The following HSPA4L variants were observed in gnomAD, a reference collection of about 807,000 sequenced individuals.
HSPA4L encodes heat shock protein family A (Hsp70) member 4 like, also known as heat shock 70 kDa protein 4L.
Under a neutral mutation model 100.3 loss-of-function variants are expected in HSPA4L, and 48 were observed. That is an observed-to-expected ratio of 0.48 (90% CI 0.38 to 0.61). HSPA4L has a LOEUF of 0.61. Among genes scored for constraint, HSPA4L ranks in the 20% least tolerant of loss-of-function variants. The pLI is 0.00. For missense variants in HSPA4L, 886 were observed against 988.6 expected (o/e 0.90, Z 1.39); for synonymous variants, 319 against 328.2 (o/e 0.97, Z 0.30).
At chr4:127,820,341 A>G in intron 13 of HSPA4L, 87 bp from the exon 14 acceptor site, 1 of 1,112,918 alleles carries the variant, frequency 9.0e-7, no homozygotes, top group Non-Finnish European at 1.3e-6. Flanking sequence ...ACAGATCATA[A>G]TCGTTTTGAT....
chr4:127,816,419 C>A (rs192750677), intron 12 of HSPA4L, among the ~76,000 whole-genome samples: 1 of 152,018 alleles, frequency 6.6e-6, no homozygotes, highest in African/African-American at 2.4e-5. Flanking sequence ...ATGATAACAT[C>A]TTATATTTGC....
intron 16 of HSPA4L, among the ~76,000 whole-genome samples, chr4:127,827,041 A>G (rs1733966168): frequency 6.6e-6 from 1 of 152,130 alleles, no homozygotes; most frequent in South Asian, 2.1e-4. Flanking sequence ...GCTTTTAAGG[A>G]ATTAAAGTTT....
intron 1 of HSPA4L, among the ~76,000 whole-genome samples, chr4:127,791,461 T>G (rs1462884083): frequency 1.3e-5 from 2 of 152,214 alleles, no homozygotes; most frequent in East Asian, 3.8e-4. Flanking sequence ...GTCTAAAGTT[T>G]ATTTTGCACT....
chr4:127,789,398 G>A (rs532045956), intron 1 of HSPA4L, among the ~76,000 whole-genome samples: 1 of 152,194 alleles, frequency 6.6e-6, no homozygotes, highest in African/African-American at 2.4e-5. Context: ...TGTAATCCCA[G>A]CACTTTGGGA....
intron 12 of HSPA4L, among the ~76,000 whole-genome samples, chr4:127,816,267 G>C (rs1733667818): frequency 6.6e-6 from 1 of 152,066 alleles, no homozygotes; most frequent in Non-Finnish European, 1.5e-5. Flanking sequence ...GAGTCTAGAG[G>C]CACTTCCATT....
chr4:127,798,829 A>G (rs528958168), intron 4 of HSPA4L, 120 bp downstream of exon 4: 4 of 897,494 alleles, frequency 4.5e-6, no homozygotes, highest in South Asian at 2.5e-5. Context: ...ACCTAAATCC[A>G]TCTGACTTTC....
At chr4:127,797,485 A>G (rs1267107760) in intron 3 of HSPA4L, among the ~76,000 whole-genome samples, 1 of 152,176 alleles carries the variant, frequency 6.6e-6, no homozygotes, top group Non-Finnish European at 1.5e-5. Flanking sequence ...TAGTAGAAAA[A>G]GCTTTGAAAC....
chr4:127,817,129 G>A (rs149059346), intron 12 of HSPA4L, among the ~76,000 whole-genome samples: 5,140 of 152,088 alleles, frequency 0.034, 119 homozygotes, highest in Middle Eastern at 0.078. Context: ...GCAGTGGCAC[G>A]ATCTCAGCTC....
chr4:127,793,362 C>T (rs1178656329), intron 1 of HSPA4L, among the ~76,000 whole-genome samples: 1 of 151,984 alleles, frequency 6.6e-6, no homozygotes, highest in Non-Finnish European at 1.5e-5. Context: ...TTCTCCCAGA[C>T]AGGTATTGTG....
At chr4:127,796,697 G>A (rs1397014951) in intron 3 of HSPA4L, among the ~76,000 whole-genome samples, 1 of 152,116 alleles carries the variant, frequency 6.6e-6, no homozygotes, top group Non-Finnish European at 1.5e-5. Flanking sequence ...AACATGCCAA[G>A]TGAAAGAAGC....
intron 12 of HSPA4L, chr4:127,812,961 AACTT>A: frequency 1.2e-6 from 1 of 816,922 alleles, no homozygotes; most frequent in Non-Finnish European, 2.1e-6. Flanking sequence ...TCTTGCCCTT[AACTT>A]GTTTGTTTAC....
chr4:127,838,565 A>G lies in HSPA4L; in HGVS notation c.*5691A>G, dbSNP rs1232557568. On this transcript the variant is annotated 3_prime_UTR_variant, in exon 19 of 19. Transcript: ENST00000296464. ...AATTTACGGTCATGCCCTAAGTCAC[A>G]GGATGATTATTAGGGAAATGTCATT... The G allele has an allele frequency of 1.3e-5, 2 of 152,220 alleles. No individual in the cohort carries two copies. Among genetic ancestry groups the G allele is most frequent in the Non-Finnish European group, 2.9e-5 (2 of 68,036 alleles). 9.4% of individuals were successfully genotyped at this position (152,220 alleles called of 1,614,324 possible). A position where few individuals can be genotyped will look rare whatever the true frequency, so the allele number is the denominator to read the frequency against.
At chr4:127,811,687 A>T (rs1257954899) in intron 12 of HSPA4L, 51 bp downstream of exon 12, 1 of 1,333,938 alleles carries the variant, frequency 7.5e-7, no homozygotes, top group Non-Finnish European at 1.0e-6. Context: ...TGTATACAGT[A>T]TATCTTAATC....
At chr4:127,789,025 A>G (rs1167476569) in intron 1 of HSPA4L, among the ~76,000 whole-genome samples, 1 of 152,244 alleles carries the variant, frequency 6.6e-6, no homozygotes, top group Non-Finnish European at 1.5e-5. Flanking sequence ...TTAATGGAGA[A>G]TAATAGGGAG....
rs201576051 is a variant in HSPA4L at position 127,782,560 on chromosome 4, G to T, written c.10G>T (p.Val4Phe). Residue 4 changes from valine to phenylalanine, a missense_variant, in exon 1 of 19, where the codon GTT becomes TTT. Val to Phe is a conservative substitution (Grantham distance 50). Coordinates refer to ENST00000296464, the MANE Select transcript of HSPA4L (RefSeq NM_014278.4). ...ACCATCACGCGGCGGGATGTCTGTG[G>T]TTGGCATTGACCTCGGCTTTCTCAA... MSV[V>F]GIDLGFLNCY... 6.2e-7 allele frequency: 1 copy of T among 1,614,126 alleles called. No individual in the cohort carries two copies. Among genetic ancestry groups the T allele is most frequent in the Non-Finnish European group, 8.5e-7 (1 of 1,179,996 alleles).
intron 16 of HSPA4L, among the ~76,000 whole-genome samples, chr4:127,825,882 C>T (rs978847513): frequency 3.4e-5 from 5 of 147,428 alleles, no homozygotes; most frequent in Admixed American, 6.9e-5. Flanking sequence ...GTTGAGATTG[C>T]GTCATTGCAC....
At chr4:127,795,949 T>C (rs1392740063) in intron 3 of HSPA4L, 41 bp downstream of exon 3, 1 of 1,596,654 alleles carries the variant, frequency 6.3e-7, no homozygotes, top group Admixed American at 1.7e-5. Context: ...TATCTTCAAA[T>C]TAAGTAAACC....
At chr4:127,799,299 C>T (rs1733109149) in intron 4 of HSPA4L, among the ~76,000 whole-genome samples, 1 of 151,770 alleles carries the variant, frequency 6.6e-6, no homozygotes, top group Non-Finnish European at 1.5e-5. Flanking sequence ...TTTTCATAGG[C>T]ATTTGGAATT....
At chr4:127,784,810 G>GT (rs1264658468) in intron 1 of HSPA4L, among the ~76,000 whole-genome samples, 5 of 152,204 alleles carry the variant, frequency 3.3e-5, no homozygotes, top group African/African-American at 1.2e-4. Flanking sequence ...GTAACTATTA[G>GT]ATAACCTTTA....
Sources: gnomAD v4.1 joint callset for allele counts (sites outside exome capture counted in the v4.1 genomes callset) on GRCh38, gnomAD v4.1.1 for gene constraint, MANE v1.5 for transcripts, NCBI Gene and HGNC (gene_info 2026-07-23, HGNC 2026-07-21) for gene names.